OR5D3: variants seen among roughly 807,000 people sequenced by gnomAD.
OR5D3 encodes the protein olfactory receptor family 5 subfamily D member 3.
the OR5D3 span, chr11:55,724,042 C>T: frequency 5.0e-6 from 2 of 397,770 alleles, no homozygotes; most frequent in Admixed American, 4.4e-5. Context: ...CACTCAGATG[C>T]CTCTGTATTT....
the OR5D3 span, chr11:55,726,550 T>G: frequency 2.4e-6 from 1 of 413,002 alleles, no homozygotes; most frequent in Admixed American, 4.3e-5. Flanking sequence ...GACAGAAACA[T>G]TCATGCTGGC....
chr11:55,728,533 T>A, the OR5D3 span: 4 of 152,216 alleles, frequency 2.6e-5, no homozygotes, highest in South Asian at 8.3e-4. Context: ...TGGTTGAGAT[T>A]AAGTATAAGA....
chr11:55,727,155 G>T, the OR5D3 span: 1 of 398,650 alleles, frequency 2.5e-6, no homozygotes, highest in Non-Finnish European at 4.4e-6. Flanking sequence ...GTCATAAAAT[G>T]TAATGCTAGA....
the OR5D3 span, among the ~76,000 whole-genome samples, chr11:55,724,312 CAAA>C: frequency 6.6e-6 from 1 of 151,934 alleles, no homozygotes. Flanking sequence ...AAGAATAAAG[CAAA>C]ATTGGCCTTA....
the OR5D3 span, chr11:55,727,322 C>A: frequency 1.0e-5 from 4 of 381,970 alleles, no homozygotes; most frequent in Non-Finnish European, 1.8e-5. Flanking sequence ...AGTATGGAAT[C>A]TCAGACCATT....
chr11:55,729,135 G>A, the OR5D3 span: 1 of 151,740 alleles, frequency 6.6e-6, no homozygotes, highest in Non-Finnish European at 1.5e-5. Flanking sequence ...TTTTATTTTG[G>A]TAAATGTTCA....
At chr11:55,727,750 C>T in the OR5D3 span, 3 of 151,900 alleles carry the variant, frequency 2.0e-5, no homozygotes, top group Non-Finnish European at 4.4e-5. Flanking sequence ...ATGCCCATCA[C>T]CCTAGTTCTG....
the OR5D3 span, chr11:55,727,327 A>G: frequency 1.1e-5 from 4 of 378,260 alleles, no homozygotes; most frequent in African/African-American, 2.1e-5. Context: ...GGAATCTCAG[A>G]CCATTTAAAC....
At chr11:55,727,108 G>T in the OR5D3 span, 4 of 401,024 alleles carry the variant, frequency 1.0e-5, no homozygotes, top group Non-Finnish European at 1.8e-5. Context: ...AGATGTAAAA[G>T]AGACAGTCAG....
the OR5D3 span, among the ~76,000 whole-genome samples, chr11:55,724,850 A>G: frequency 6.6e-6 from 1 of 152,074 alleles, no homozygotes; most frequent in Non-Finnish European, 1.5e-5. Context: ...TTTCAGGGAA[A>G]TTGCTGAGTA....
chr11:55,724,900 C>T, the OR5D3 span, among the ~76,000 whole-genome samples: 1 of 152,026 alleles, frequency 6.6e-6, no homozygotes, highest in South Asian at 2.1e-4. Flanking sequence ...CAGGCACAAG[C>T]TTGTGGGAAC....
At chr11:55,728,958 C>T in the OR5D3 span, 2 of 151,740 alleles carry the variant, frequency 1.3e-5, no homozygotes, top group Admixed American at 6.6e-5. Flanking sequence ...GAGTATGCAT[C>T]GCAGAATATT....
chr11:55,724,000 A>C, the OR5D3 span: 18 of 397,936 alleles, frequency 4.5e-5, no homozygotes, highest in Non-Finnish European at 8.0e-5. Flanking sequence ...GGAGTTCGTT[A>C]ATTTCAGCAA....
chr11:55,726,945 C>T, the OR5D3 span: 2 of 399,938 alleles, frequency 5.0e-6, no homozygotes, highest in Non-Finnish European at 8.8e-6. Flanking sequence ...GTGCCTCCCA[C>T]CTGACCGCCA....
chr11:55,727,276 GT>G, the OR5D3 span: 1 of 395,074 alleles, frequency 2.5e-6, no homozygotes. Context: ...TCACACTGAT[GT>G]TTAGTAAAAT....
At chr11:55,728,840 A>G in the OR5D3 span, 1 of 152,070 alleles carries the variant, frequency 6.6e-6, no homozygotes, top group African/African-American at 2.4e-5. Context: ...ATAATGAGTC[A>G]TAATTAAATG....
chr11:55,726,092 A>C, the OR5D3 span: 17 of 396,716 alleles, frequency 4.3e-5, no homozygotes, highest in Non-Finnish European at 7.1e-5. Flanking sequence ...GTGGAAACCT[A>C]GAATTTTCAG....
At chr11:55,724,952 G>C in the OR5D3 span, among the ~76,000 whole-genome samples, 1 of 151,926 alleles carries the variant, frequency 6.6e-6, no homozygotes, top group Non-Finnish European at 1.5e-5. Flanking sequence ...AAAGGAGAAT[G>C]GGGAAAATAT....
chr11:55,724,010 A>C, the OR5D3 span: 3 of 397,998 alleles, frequency 7.5e-6, no homozygotes, highest in African/African-American at 6.2e-5. Flanking sequence ...AATTTCAGCA[A>C]AAGATCCTTC....
Sources: gnomAD v4.1 joint callset for allele counts (sites outside exome capture counted in the v4.1 genomes callset) on GRCh38, gnomAD v4.1.1 for gene constraint, MANE v1.5 for transcripts, NCBI Gene and HGNC (gene_info 2026-07-23, HGNC 2026-07-21) for gene names.